Variants in LUZP2 observed in about 807,000 individuals in gnomAD.
LUZP2 encodes leucine zipper protein 2.
LUZP2 carries 52 observed loss-of-function variants against 51.6 expected under a neutral mutation model. The ratio of observed to expected loss-of-function variants is 1.01; its 90% CI spans 0.81 to 1.27. The LOEUF is 1.27. Ranked by LOEUF, LUZP2 falls within the 50% of genes most tolerant of loss-of-function variation. LUZP2 has a pLI of 0.00. For missense variants in LUZP2, 436 were observed against 395.4 expected, an observed-to-expected ratio of 1.10 and a Z score of -0.87; for synonymous variants, 154 against 137.3, an observed-to-expected ratio of 1.12 and a Z score of -0.85.
intron 1 of LUZP2, among the ~76,000 whole-genome samples, chr11:24,722,056 CA>C (rs1293090715): frequency 6.6e-6 from 1 of 151,990 alleles, no homozygotes; most frequent in Non-Finnish European, 1.5e-5. Flanking sequence ...TGTTCCCGTG[CA>C]ACACAGAAAA....
intron 5 of LUZP2, among the ~76,000 whole-genome samples, chr11:24,765,908 G>A (rs1860174431): frequency 6.6e-6 from 1 of 152,018 alleles, no homozygotes; most frequent in South Asian, 2.1e-4. Flanking sequence ...TTACAGGCGT[G>A]AGCTACCGCA....
At chr11:24,559,350 A>C (rs979103023) in intron 1 of LUZP2, among the ~76,000 whole-genome samples, 4 of 152,210 alleles carry the variant, frequency 2.6e-5, no homozygotes, top group African/African-American at 9.6e-5. Context: ...TAGAAAGTGA[A>C]GTGAAGATGG....
chr11:24,828,074 CA>C (rs1850595804), intron 5 of LUZP2, among the ~76,000 whole-genome samples: 2 of 152,018 alleles, frequency 1.3e-5, no homozygotes, highest in African/African-American at 2.4e-5. Flanking sequence ...CGCAGACACA[CA>C]CACGCACAAA....
intron 8 of LUZP2, among the ~76,000 whole-genome samples, chr11:24,982,582 A>G (rs996156999): frequency 6.6e-6 from 1 of 151,732 alleles, no homozygotes; most frequent in Non-Finnish European, 1.5e-5. Context: ...GAAGGAAACA[A>G]CGGATGCTGG....
intron 1 of LUZP2, among the ~76,000 whole-genome samples, chr11:24,534,649 G>A (rs567192524): frequency 8.7e-4 from 132 of 151,450 alleles, no homozygotes; most frequent in African/African-American, 3.1e-3. Context: ...TTTCTTGCAT[G>A]TAGTAAAAAT....
At chr11:24,702,663 A>T (rs1363495883) in intron 1 of LUZP2, among the ~76,000 whole-genome samples, 2 of 152,194 alleles carry the variant, frequency 1.3e-5, no homozygotes, top group African/African-American at 4.8e-5. Flanking sequence ...TGCTCCTACA[A>T]ACTAATACCT....
intron 5 of LUZP2, among the ~76,000 whole-genome samples, chr11:24,796,783 T>G (rs548989700): frequency 1.3e-5 from 2 of 152,264 alleles, no homozygotes; most frequent in East Asian, 1.9e-4. Context: ...ACACAAGTTT[T>G]TTTTGGTTTT....
intron 1 of LUZP2, among the ~76,000 whole-genome samples, chr11:24,571,319 C>CT (rs1296602895): frequency 1.8e-5 from 2 of 111,920 alleles, no homozygotes; most frequent in African/African-American, 7.3e-5. Context: ...AGAATGTGTC[C>CT]TTGTGCTCCT....
chr11:24,647,461 G>A (rs1423893346), intron 1 of LUZP2, among the ~76,000 whole-genome samples: 3 of 151,790 alleles, frequency 2.0e-5, no homozygotes, highest in Non-Finnish European at 4.4e-5. Flanking sequence ...TTCAAAAAGT[G>A]TTTATCTAGA....
At chr11:24,997,674 T>G (rs1193989969) in intron 9 of LUZP2, among the ~76,000 whole-genome samples, 2 of 152,104 alleles carry the variant, frequency 1.3e-5, no homozygotes, top group African/African-American at 2.4e-5. Flanking sequence ...TTTTGGTGTT[T>G]TAGACATGAA....
At chr11:24,877,249 T>A (rs10834521) in intron 5 of LUZP2, among the ~76,000 whole-genome samples, 74,399 of 151,780 alleles carry the variant, frequency 0.49, 18,641 homozygotes, top group East Asian at 0.69. Context: ...TTCCTGCAAC[T>A]TTTCAAGTAA....
intron 8 of LUZP2, among the ~76,000 whole-genome samples, chr11:24,982,024 A>G (rs915855478): frequency 2.0e-5 from 3 of 151,918 alleles, no homozygotes; most frequent in Non-Finnish European, 4.4e-5. Context: ...CAATATCACT[A>G]ATTATTAGAG....
intron 1 of LUZP2, among the ~76,000 whole-genome samples, chr11:24,599,221 T>G (rs1409456305): frequency 6.6e-6 from 1 of 152,160 alleles, no homozygotes; most frequent in Non-Finnish European, 1.5e-5. Flanking sequence ...GAAAAAGAGA[T>G]TCTAAAGAGA....
intron 7 of LUZP2, among the ~76,000 whole-genome samples, chr11:24,937,365 A>G (rs1020346660): frequency 3.3e-5 from 5 of 152,166 alleles, no homozygotes; most frequent in African/African-American, 7.2e-5. Flanking sequence ...AAGTCACTTT[A>G]CTTGTTGGAT....
chr11:24,566,329 T>TA (rs369179171), intron 1 of LUZP2, among the ~76,000 whole-genome samples: 124,128 of 129,894 alleles, frequency 0.96, 59,238 homozygotes, highest in Non-Finnish European at 0.98. Flanking sequence ...TTTATTTATT[T>TA]TTTTTTTTTT....
chr11:24,934,560 T>A (rs999456226), intron 7 of LUZP2, among the ~76,000 whole-genome samples: 1 of 152,184 alleles, frequency 6.6e-6, no homozygotes, highest in Non-Finnish European at 1.5e-5. Context: ...TTTCTTATTT[T>A]AAATTTTTCC....
intron 7 of LUZP2, among the ~76,000 whole-genome samples, chr11:24,959,962 G>T (rs1321625563): frequency 6.6e-6 from 1 of 152,082 alleles, no homozygotes; most frequent in African/African-American, 2.4e-5. Context: ...TAGCATGAAG[G>T]TTGTTGAATT....
intron 7 of LUZP2, among the ~76,000 whole-genome samples, chr11:24,954,023 T>C (rs1855150452): frequency 6.6e-6 from 1 of 152,012 alleles, no homozygotes. Context: ...TTTTTTTTTT[T>C]CTTCCTGGCC....
chr11:24,891,793 A>G (rs1852862783), intron 5 of LUZP2: 7 of 969,180 alleles, frequency 7.2e-6, no homozygotes, highest in Non-Finnish European at 8.6e-6. Context: ...CAAAGAGAGA[A>G]CAGAGAAACA....
Sources: allele counts gnomAD v4.1 joint callset (sites outside exome capture counted in the v4.1 genomes callset), GRCh38; gene constraint gnomAD v4.1.1; transcripts MANE v1.5; gene names NCBI Gene and HGNC (gene_info 2026-07-23, HGNC 2026-07-21).